Variants in ARHGEF28 observed in about 807,000 individuals in gnomAD.
ARHGEF28 encodes Rho guanine nucleotide exchange factor 28.
ARHGEF28 carries 152 observed loss-of-function variants against 206.6 expected under a neutral mutation model. That is an observed-to-expected ratio of 0.74 (90% CI 0.64 to 0.84). The LOEUF (loss-of-function observed/expected upper bound fraction) is 0.84. ARHGEF28 is among the 40% of genes least tolerant of loss of function. The pLI is 0.00. For missense variants in ARHGEF28, 2,028 were observed against 2,073.2 expected, an observed-to-expected ratio of 0.98 and a Z score of 0.42; for synonymous variants, 763 against 776.4, an observed-to-expected ratio of 0.98 and a Z score of 0.29.
At chr5:73,673,763 C>T (rs891250497) in intron 1 of ARHGEF28, among the ~76,000 whole-genome samples, 4 of 152,052 alleles carry the variant, frequency 2.6e-5, no homozygotes, top group Non-Finnish European at 2.9e-5. Flanking sequence ...TCTTTTTACC[C>T]TATCAAATCT....
Position 73,879,868 on chromosome 5 carries a change from G to T in ARHGEF28, c.2815-2604G>T, listed in dbSNP as rs549313744. Among the ~76,000 whole-genome samples the T allele has an allele frequency of 1.6e-3, 250 of 152,302 alleles. 1 individual carries two copies. Among genetic ancestry groups the T allele is most frequent in the African/African-American group, 5.6e-3 (234 of 41,564 alleles). ...GTGCCTCCCAGTTAGGCTGCTCGGG[G>T]GTCAGGGGTCAGGGACCCACTTGAG... On this transcript the variant is annotated intron_variant, in intron 22 of 35. Transcript: ENST00000513042.
intron 1 of ARHGEF28, among the ~76,000 whole-genome samples, chr5:73,640,669 A>T (rs1325707072): frequency 6.6e-6 from 1 of 152,200 alleles, no homozygotes; most frequent in Non-Finnish European, 1.5e-5. Context: ...CTTAATTTAG[A>T]TGAGTGTTTT....
intron 9 of ARHGEF28, among the ~76,000 whole-genome samples, chr5:73,805,281 T>G (rs908364249): frequency 6.6e-6 from 1 of 152,124 alleles, no homozygotes; most frequent in Non-Finnish European, 1.5e-5. Context: ...CCACAGAACA[T>G]TAGAGTGCAC....
rs895268046 is a variant in ARHGEF28, at chr5:73,683,090, G to A, written c.-11-1751G>A. On this transcript the variant is annotated intron_variant, in intron 1 of 35. Coordinates refer to ENST00000513042, the MANE Select transcript of ARHGEF28 (RefSeq NM_001177693.2). ...ATTATCTTTGTGTAATACCTGGCCC[G>A]CAGTTGGTGTTCAGTGAGTGATGCT... is the stretch of plus-strand genomic sequence containing the variant. Among the ~76,000 whole-genome samples, 44 of 152,216 alleles carry A rather than the reference G, an allele frequency of 2.9e-4. 1 individual carries two copies. Among genetic ancestry groups the A allele is most frequent in the South Asian group, 1.0e-3 (5 of 4,824 alleles).
chr5:73,698,502 A>G (rs980849528), intron 2 of ARHGEF28, among the ~76,000 whole-genome samples: 2 of 152,020 alleles, frequency 1.3e-5, no homozygotes, highest in Non-Finnish European at 2.9e-5. Flanking sequence ...CTGTATGACC[A>G]TTTTGCTTAG....
At chr5:73,743,488 A>G (rs1044048985) in intron 2 of ARHGEF28, among the ~76,000 whole-genome samples, 5 of 152,220 alleles carry the variant, frequency 3.3e-5, no homozygotes, top group African/African-American at 1.2e-4. Flanking sequence ...TTCTCAAAAA[A>G]TGTGTTATAA....
intron 24 of ARHGEF28, among the ~76,000 whole-genome samples, chr5:73,884,544 T>C (rs1034206132): frequency 2.0e-5 from 3 of 152,210 alleles, no homozygotes; most frequent in Non-Finnish European, 2.9e-5. Context: ...CAAGCTAACA[T>C]ATTGATCTTG....
chr5:73,911,375 A>C lies in ARHGEF28; in HGVS notation c.4748A>C (p.Asn1583Thr), dbSNP rs767038231. The change falls in exon 35 of 36, where the codon AAT becomes ACT. Residue 1583 changes from asparagine (N) to threonine (T), a missense_variant. Coordinates refer to ENST00000513042, the MANE Select transcript of ARHGEF28 (RefSeq NM_001177693.2). ...TCATTTAACACTTTCAACAAACTGA[A>C]TCCATCAGTTATCCATCAGGATGCC... ...QMSFNTFNKLNPSVIHQDATY... is the reference protein window; with the variant it reads ...QMSFNTFNKLTPSVIHQDATY... 1.4e-5 allele frequency: 23 copies of C among 1,613,594 alleles called. No individual in the cohort carries two copies. Among genetic ancestry groups the C allele is most frequent in the Non-Finnish European group, 1.9e-5 (23 of 1,179,664 alleles).
At chr5:73,881,327 A>T (rs1760925292) in intron 22 of ARHGEF28, among the ~76,000 whole-genome samples, 1 of 152,150 alleles carries the variant, frequency 6.6e-6, no homozygotes, top group African/African-American at 2.4e-5. Context: ...TTATATTTTT[A>T]AAAAGCATAC....
rs1399425677 is a variant in ARHGEF28 at position 73,892,169 on chromosome 5, C to T, written c.3505C>T (p.His1169Tyr). The T allele has an allele frequency of 1.1e-5, 17 of 1,580,908 alleles. No homozygotes were observed. Among genetic ancestry groups the T allele is most frequent in the Non-Finnish European group, 1.5e-5 (17 of 1,161,768 alleles). Residue 1169 changes from histidine to tyrosine, a missense_variant, in exon 27 of 36, where the codon CAC (histidine) becomes TAC (tyrosine). Physicochemically the swap from His to Tyr is moderately conservative, Grantham distance 83 (BLOSUM62 2). Transcript: ENST00000513042. The stretch of plus-strand genomic sequence containing the variant: ...TGCTGGTCCTGAGATGTATGAAATT[C>T]ACACCAATTCCAAGGAGGAACGCAA... ...SSAGPEMYEIHTNSKEERNNW... is the reference protein window; with the variant it reads ...SSAGPEMYEIYTNSKEERNNW...
At chr5:73,860,414 G>T (rs1424530209) in intron 16 of ARHGEF28, among the ~76,000 whole-genome samples, 1 of 152,146 alleles carries the variant, frequency 6.6e-6, no homozygotes, top group Non-Finnish European at 1.5e-5. Context: ...CCATATGTGG[G>T]AATCATCACT....
chr5:73,754,603 A>G (rs1193092514), intron 4 of ARHGEF28, among the ~76,000 whole-genome samples: 1 of 152,200 alleles, frequency 6.6e-6, no homozygotes, highest in Admixed American at 6.5e-5. Context: ...TACTTTTTAA[A>G]AATGAAGTAT....
chr5:73,858,474 C>T (rs933590454), intron 16 of ARHGEF28, among the ~76,000 whole-genome samples: 3 of 152,130 alleles, frequency 2.0e-5, no homozygotes, highest in Non-Finnish European at 4.4e-5. Flanking sequence ...TACATCTCCC[C>T]ATTCTGTGCT....
At chr5:73,758,019 GC>G (rs1473994206) in intron 4 of ARHGEF28, among the ~76,000 whole-genome samples, 1 of 151,982 alleles carries the variant, frequency 6.6e-6, no homozygotes. Context: ...GGAGTTGAAA[GC>G]CCCCTCGACC....
At chr5:73,791,121 A>G (rs1010177426) in intron 7 of ARHGEF28, among the ~76,000 whole-genome samples, 2 of 152,178 alleles carry the variant, frequency 1.3e-5, no homozygotes, top group African/African-American at 4.8e-5. Flanking sequence ...AGCTATGTAT[A>G]TTTTGGGCCA....
At chr5:73,639,685 A>G (rs1479192031) in intron 1 of ARHGEF28, among the ~76,000 whole-genome samples, 1 of 152,176 alleles carries the variant, frequency 6.6e-6, no homozygotes, top group Non-Finnish European at 1.5e-5. Flanking sequence ...GTAGGACTAC[A>G]TAGCATAGTA....
intron 4 of ARHGEF28, among the ~76,000 whole-genome samples, chr5:73,764,977 A>G (rs1052220693): frequency 1.3e-5 from 2 of 152,136 alleles, no homozygotes; most frequent in Non-Finnish European, 2.9e-5. Flanking sequence ...TCTACTCTCT[A>G]TGTAAATTTT....
chr5:73,883,709 A>G, intron 23 of ARHGEF28, 58 bp from the exon 24 acceptor site: 1 of 1,119,968 alleles, frequency 8.9e-7, no homozygotes, highest in Non-Finnish European at 1.3e-6. Flanking sequence ...TGTTACATTC[A>G]CACCTGAAAA....
intron 12 of ARHGEF28, among the ~76,000 whole-genome samples, chr5:73,847,796 T>C (rs1484472414): frequency 6.6e-6 from 1 of 152,222 alleles, no homozygotes. Context: ...TACATGACTC[T>C]GAAGAGGGCC....
Sources: allele counts gnomAD v4.1 joint callset (sites outside exome capture counted in the v4.1 genomes callset), GRCh38; gene constraint gnomAD v4.1.1; transcripts MANE v1.5; gene names NCBI Gene and HGNC (gene_info 2026-07-23, HGNC 2026-07-21).